PHLDB1: variants seen among roughly 807,000 people sequenced by gnomAD.
The protein encoded by PHLDB1 is pleckstrin homology-like domain family B member 1.
Under a neutral mutation model 139.3 loss-of-function variants are expected in PHLDB1, and 65 were observed. The observed-to-expected ratio is 0.47, with a 90% CI of 0.38 to 0.57. PHLDB1 has a LOEUF of 0.57. Ranked by LOEUF, PHLDB1 falls within the 20% of genes least tolerant of loss-of-function variation. The pLI, the probability that PHLDB1 is intolerant of heterozygous loss-of-function variation, is 0.00. For synonymous variants in PHLDB1, 679 were observed against 734.5 expected (o/e 0.92, Z 1.22); for missense variants, 1,624 against 1,839.7 (o/e 0.88, Z 2.14).
At position 118,648,000 on chromosome 11, in the gene PHLDB1, G is replaced by T. The variant is rs782066798; in HGVS notation, c.3578G>T (p.Arg1193Met). 2 of 1,610,220 alleles carry T rather than the reference G, an allele frequency of 1.2e-6. No individual in the cohort carries two copies. Among genetic ancestry groups the T allele is most frequent in the Non-Finnish European group, 1.7e-6 (2 of 1,178,116 alleles). Residue 1193 changes from arginine (R) to methionine (M), a missense_variant, in exon 18 of 23, where the codon AGG (arginine) becomes ATG (methionine). Coordinates refer to ENST00000600882, the MANE Select transcript of PHLDB1 (RefSeq NM_001144758.3). Reference protein sequence around the residue: ...ERRRREQVERRLQSESARRQQ... With the variant: ...ERRRREQVERMLQSESARRQQ... ...CGGAGGCGTGAGCAGGTAGAACGGA[G>T]GCTGCAGAGTGAGAGTGCCCGGAGG...
At position 118,610,715 on chromosome 11, in the gene PHLDB1, C is replaced by T. The variant is rs1940016422; in HGVS notation, c.-22+3016C>T. On this transcript the variant is annotated intron_variant, in intron 1 of 22. Transcript: ENST00000600882. The surrounding 1 kb of genome is among the most constrained non-coding windows in gnomAD (Gnocchi z 8.7). ...TCCTTGGCCTCCTTCAGGCGGGGGC[C>T]AAGACCCCCGAGAGTTCACTCTGGG... Among the ~76,000 whole-genome samples, 1 of 152,146 alleles carries T rather than the reference C, an allele frequency of 6.6e-6. No individual in the cohort carries two copies.
chr11:118,629,679 G>A (rs1465436333), intron 6 of PHLDB1, among the ~76,000 whole-genome samples: 3 of 152,214 alleles, frequency 2.0e-5, no homozygotes, highest in Non-Finnish European at 2.9e-5. Flanking sequence ...GAGATGAGGC[G>A]GATCCCATCT....
intron 20 of PHLDB1, chr11:118,654,647 A>T (rs1183328837): frequency 6.6e-6 from 1 of 150,694 alleles, no homozygotes; most frequent in African/African-American, 2.4e-5. Context: ...TCTAGACATT[A>T]TATCTCGATA....
Position 118,625,018 on chromosome 11 carries a change from C to T in PHLDB1, c.440C>T (p.Ala147Val). Residue 147 changes from alanine to valine, a missense_variant, in exon 5 of 23, where the codon GCA (alanine) becomes GTA (valine). Transcript: ENST00000600882. ...AAGTGGATGAAAAGCATGATTCCAG[C>T]AGGGGGCCGAGCCCCTGGGCCCCCC... ...EAKWMKSMIP[A>V]GGRAPGPPYS... 6.2e-7 allele frequency: 1 copy of T among 1,613,332 alleles called. No individual in the cohort carries two copies. Among genetic ancestry groups the T allele is most frequent in the Non-Finnish European group, 8.5e-7 (1 of 1,179,466 alleles).
intron 14 of PHLDB1, 44 bp downstream of exon 14, chr11:118,643,984 A>G: frequency 6.3e-7 from 1 of 1,592,978 alleles, no homozygotes. Flanking sequence ...CTGGGGATGG[A>G]GACTTCCACC....
In PHLDB1 at chr11:118,613,849, A is replaced by G; in HGVS notation, c.13A>G (p.Asn5Asp). The G allele has an allele frequency of 6.2e-7, 1 of 1,612,518 alleles. No homozygotes were observed. The highest frequency in any genetic ancestry group is 1.1e-5 in the South Asian group (1 of 90,932). ...GAGCCTTAGGACCATGGACGCTCTCAATAGGAACCAAATAGGCCCTGGATG... is the reference window on the plus strand; with the variant it reads ...GAGCCTTAGGACCATGGACGCTCTCGATAGGAACCAAATAGGCCCTGGATG... MDAL[N>D]RNQIGPGCQT... Residue 5 changes from asparagine to aspartate, a missense_variant, in exon 2 of 23, where the codon AAT becomes GAT. Physicochemically the swap from Asn to Asp is conservative, Grantham distance 23. Transcript: ENST00000600882.
intron 12 of PHLDB1, chr11:118,641,981 C>T: frequency 1.8e-6 from 1 of 571,166 alleles, no homozygotes; most frequent in Middle Eastern, 4.1e-4. Flanking sequence ...CTGACTGTTT[C>T]TCTTTGCCCT....
At chr11:118,625,972 C>A (rs958180491) in intron 5 of PHLDB1, among the ~76,000 whole-genome samples, 1 of 152,192 alleles carries the variant, frequency 6.6e-6, no homozygotes, top group African/African-American at 2.4e-5. Context: ...TTTTACCCTG[C>A]CCCCACCCCA....
chr11:118,654,149 C>T (rs1353844099), intron 20 of PHLDB1: 1 of 152,244 alleles, frequency 6.6e-6, no homozygotes, highest in Non-Finnish European at 1.5e-5. Flanking sequence ...ATTCGCGTGA[C>T]CTCTCCTGTA....
In PHLDB1 at chr11:118,645,737, C is replaced by G; in HGVS notation, c.3419C>G (p.Ala1140Gly). Residue 1140 changes from alanine to glycine, a missense_variant and splice_region_variant, in exon 17 of 23, where the codon GCG becomes GGG. Coordinates refer to ENST00000600882, the MANE Select transcript of PHLDB1 (RefSeq NM_001144758.3). This position sits in a 1 kb window ranked among gnomAD's most constrained non-coding sequence, Gnocchi z 5.1. ...SACSPDNMSS[A>G]SGLDMGKIEE... Reference sequence around the variant, plus strand: ...TCCTCTTCCCCTTCTCTCCCCAGCGCGAGTGGTCTGGACATGGGGAAGATC... The same window carrying G: ...TCCTCTTCCCCTTCTCTCCCCAGCGGGAGTGGTCTGGACATGGGGAAGATC... The G allele has an allele frequency of 1.2e-6, 2 of 1,613,432 alleles. No homozygotes were observed. The highest frequency in any genetic ancestry group is 1.7e-6 in the Non-Finnish European group (2 of 1,179,404).
At position 118,627,504 on chromosome 11, in the gene PHLDB1, T is replaced by C. The variant is rs1351674217; in HGVS notation, c.681T>C (p.Asn227=). The C allele has an allele frequency of 2.5e-6, 4 of 1,614,046 alleles. No homozygotes were observed. The African/African-American group carries it at 4.0e-5, about 16-fold the overall frequency. ...CCTCTCCACTGTCACCGATGGCTAA[T>C]GGTGGGCGCTACCTGCTGTCTCCCC... ...AATSPLSPMA[N]GGRYLLSPPT... Residue 227 remains asparagine, a synonymous_variant, in exon 6 of 23, where the codon AAT becomes AAC. Transcript: ENST00000600882.
rs11823608 is a variant in PHLDB1 at position 118,630,161 on chromosome 11, G to C, written c.1828-1046G>C. The C allele has an allele frequency of 4.5e-4, 391 of 866,324 alleles. No individual in the cohort carries two copies. The African/African-American group carries it at 6.1e-3, about 13-fold the overall frequency. 53.7% of individuals were successfully genotyped at this position (866,324 alleles called of 1,614,324 possible). On this transcript the variant is annotated intron_variant, in intron 6 of 22. Coordinates refer to ENST00000600882, the MANE Select transcript of PHLDB1 (RefSeq NM_001144758.3). ...TTCATGGCCAAACTGTAAGTGATGA[G>C]AGACACTTGAGGAGGTCTAGGGACC... is the stretch of plus-strand genomic sequence containing the variant.
chr11:118,632,877 G>A lies in PHLDB1; in HGVS notation c.2379+581G>A. 1.0e-6 allele frequency: 1 copy of A among 979,708 alleles called. No homozygotes were observed. The highest frequency in any genetic ancestry group is 1.2e-6 in the Non-Finnish European group (1 of 824,830). The allele number at this position is 979,708 out of a possible 1,614,324, so 60.7% of individuals were successfully genotyped here. On this transcript the variant is annotated intron_variant, in intron 9 of 22. Coordinates refer to ENST00000600882, the MANE Select transcript of PHLDB1 (RefSeq NM_001144758.3). The surrounding 1 kb of genome is among the most constrained non-coding windows in gnomAD (Gnocchi z 5.9). ...TGCCAAAAGCTCTGAAGTGGAGAGGGGTCATCTATTTCTGGATCTGACAGT... is the reference window on the plus strand; with the variant it reads ...TGCCAAAAGCTCTGAAGTGGAGAGGAGTCATCTATTTCTGGATCTGACAGT...
chr11:118,624,695 G>A, intron 4 of PHLDB1: 1 of 407,466 alleles, frequency 2.5e-6, no homozygotes, highest in South Asian at 2.2e-5. Flanking sequence ...TCCGCTTCCT[G>A]GGTTCAAGCT....
chr11:118,635,499 G>GGCTGCTCCGGAGCAAGGCTGA lies in PHLDB1; in HGVS notation c.2496_2516dup (p.Lys834_Ser840dup), dbSNP rs1945495796. On this transcript the variant is annotated inframe_insertion, in exon 10 of 23. Coordinates refer to ENST00000600882, the MANE Select transcript of PHLDB1 (RefSeq NM_001144758.3). ...GAGGAGCGCGAGCTGGCCGGCCAGG[G>GGCTGCTCCGGAGCAAGGCTGA]GCTGCTCCGGAGCAAGGCTGAGCTG... 4 of 1,609,072 alleles carry GGCTGCTCCGGAGCAAGGCTGA rather than the reference G, an allele frequency of 2.5e-6. No individual in the cohort carries two copies. Among genetic ancestry groups the GGCTGCTCCGGAGCAAGGCTGA allele is most frequent in the Admixed American group, 1.7e-5 (1 of 58,988 alleles).
chr11:118,636,276 T>C (rs977123338), intron 10 of PHLDB1, among the ~76,000 whole-genome samples: 3 of 152,084 alleles, frequency 2.0e-5, no homozygotes, highest in Admixed American at 6.5e-5. Context: ...TGCATGTACA[T>C]TTTGCTTGGC....
At position 118,650,278 on chromosome 11, in the gene PHLDB1, C is replaced by T. The variant is rs1190917136; in HGVS notation, c.3771+85C>T. ...ACCTCCTGGGTCGTTGGAATAGTGG[C>T]GTCAGTCTCTACCCTCACCTAACCA... is the stretch of plus-strand genomic sequence containing the variant. On this transcript the variant is annotated intron_variant, in intron 19 of 22. Transcript: ENST00000600882. The surrounding 1 kb of genome is among the most constrained non-coding windows in gnomAD (Gnocchi z 4.7). The T allele has an allele frequency of 1.3e-5, 14 of 1,104,034 alleles. No homozygotes were observed. In the East Asian group the frequency reaches 1.6e-4, roughly 13 times the overall value. The allele number at this position is 1,104,034 out of a possible 1,614,324, so 68.4% of individuals were successfully genotyped here.
At chr11:118,628,746 A>G (rs1041780719) in intron 6 of PHLDB1, 96 bp downstream of exon 6, 18 of 1,220,884 alleles carry the variant, frequency 1.5e-5, no homozygotes, top group Non-Finnish European at 2.0e-5. Flanking sequence ...GCCCTCAAAC[A>G]GGGCTTCGGC....
chr11:118,613,363 A>T, intron 1 of PHLDB1: 1 of 986,822 alleles, frequency 1.0e-6, no homozygotes, highest in Non-Finnish European at 1.2e-6. Context: ...TGCAGGAGGG[A>T]GCTCCTGTTT....
Sources: allele counts gnomAD v4.1 joint callset (sites outside exome capture counted in the v4.1 genomes callset), GRCh38; gene constraint gnomAD v4.1.1; non-coding constraint Gnocchi (gnomAD v3.1); transcripts MANE v1.5; gene names NCBI Gene and HGNC (gene_info 2026-07-23, HGNC 2026-07-21).